The following CASZ1 variants were observed in gnomAD, a reference collection of about 807,000 sequenced individuals.
CASZ1 encodes zinc finger protein castor homolog 1.
In CASZ1, 28 loss-of-function variants were observed where a neutral mutation model predicts 135.2. The ratio of observed to expected loss-of-function variants is 0.21; its 90% CI spans 0.15 to 0.28. The LOEUF is 0.28. CASZ1 is among the 10% of genes least tolerant of loss of function. The pLI is 1.00. For missense variants in CASZ1, 2,161 were observed against 2,453.3 expected (o/e 0.88, Z 2.52); for synonymous variants, 1,068 against 1,073.4 (o/e 0.99, Z 0.10).
chr1:10,731,949 G>A lies in CASZ1; in HGVS notation c.-76-26405C>T, dbSNP rs557664470. On this transcript the variant is annotated intron_variant, in intron 2 of 20. Coordinates refer to ENST00000377022, the MANE Select transcript of CASZ1 (RefSeq NM_001079843.3). The stretch of plus-strand genomic sequence containing the variant: ...GTTAACACATCATGGACTTATTGCT[G>A]TTATTTTTTAAATGAATTAATAAAT... Among the ~76,000 whole-genome samples, 45 of 152,204 alleles carry A rather than the reference G, an allele frequency of 3.0e-4. 1 individual carries two copies. The South Asian group carries it at 8.5e-3, about 29-fold the overall frequency.
Position 10,739,209 on chromosome 1 carries a change from T to A in CASZ1, c.-77+21492A>T, listed in dbSNP as rs1639865232. On this transcript the variant is annotated intron_variant, in intron 2 of 20. Coordinates refer to ENST00000377022, the MANE Select transcript of CASZ1 (RefSeq NM_001079843.3). This position sits in a 1 kb window ranked among gnomAD's most constrained non-coding sequence, Gnocchi z 4.8. ...GCGGCCAGTCCCCGGGCGTACAGCGTGCGGTGCAACCTGCAGCTGCGGGAC... is the reference window on the plus strand; with the variant it reads ...GCGGCCAGTCCCCGGGCGTACAGCGAGCGGTGCAACCTGCAGCTGCGGGAC... Among the ~76,000 whole-genome samples, 1 of 152,100 alleles carries A rather than the reference T, an allele frequency of 6.6e-6. No homozygotes were observed. The highest frequency in any genetic ancestry group is 2.1e-4 in the South Asian group (1 of 4,832).
At chr1:10,664,265 G>T (rs1332600660) in intron 5 of CASZ1, among the ~76,000 whole-genome samples, 1 of 152,172 alleles carries the variant, frequency 6.6e-6, no homozygotes, top group Non-Finnish European at 1.5e-5. Flanking sequence ...GGCTGGGAAG[G>T]AGGCCGGGGG....
In CASZ1 at chr1:10,706,191, T is replaced by C. The variant is rs957603269; in HGVS notation, c.-76-647A>G. 1.0e-3 allele frequency among the ~76,000 whole-genome samples: 152 copies of C among 152,202 alleles called. 1 individual carries two copies. Among genetic ancestry groups the C allele is most frequent in the Non-Finnish European group, 2.2e-4 (15 of 68,028 alleles). ...AGAGACCGTGCAGGGAGAGGGACGATGGTCAGACAACGTGGAGGCTTTAAC... is the reference window on the plus strand; with the variant it reads ...AGAGACCGTGCAGGGAGAGGGACGACGGTCAGACAACGTGGAGGCTTTAAC... On this transcript the variant is annotated intron_variant, in intron 2 of 20. Transcript: ENST00000377022. The surrounding 1 kb of genome is among the most constrained non-coding windows in gnomAD (Gnocchi z 4.3).
chr1:10,655,578 T>G, intron 9 of CASZ1, 71 bp downstream of exon 9: 13 of 1,418,304 alleles, frequency 9.2e-6, no homozygotes, highest in Non-Finnish European at 1.1e-5. Context: ...CCTCTGGGAG[T>G]GGGGGGCTCA....
In CASZ1 at chr1:10,765,709, C is replaced by A. The variant is rs568284636; in HGVS notation, c.-233-4852G>T. 2.6e-5 allele frequency among the ~76,000 whole-genome samples: 4 copies of A among 152,190 alleles called. No homozygotes were observed. The East Asian group carries it at 7.7e-4, about 29-fold the overall frequency. ...GGGAGAGAGAGATGGGGCAAGAACG[C>A]AGCTCAAGTGCAGAGGGCTCTGAAT... On this transcript the variant is annotated intron_variant, in intron 1 of 20. Coordinates refer to ENST00000377022, the MANE Select transcript of CASZ1 (RefSeq NM_001079843.3).
chr1:10,784,659 G>C (rs886518857), intron 1 of CASZ1, among the ~76,000 whole-genome samples: 9 of 152,184 alleles, frequency 5.9e-5, no homozygotes, highest in Non-Finnish European at 1.3e-4. Context: ...CGCCATCTGG[G>C]TTCAAACAAT....
At chr1:10,668,534 G>A (rs1474958559) in intron 4 of CASZ1, among the ~76,000 whole-genome samples, 1 of 152,206 alleles carries the variant, frequency 6.6e-6, no homozygotes, top group Non-Finnish European at 1.5e-5. Flanking sequence ...GAGAGGCGAG[G>A]GGAGGGGCTG....
At chr1:10,656,757 G>C in intron 7 of CASZ1, 21 bp from the exon 8 acceptor site, 1 of 1,520,074 alleles carries the variant, frequency 6.6e-7, no homozygotes, top group Non-Finnish European at 9.0e-7. Flanking sequence ...GAGGGGTGGG[G>C]TCAGGGCCCT....
Position 10,647,762 on chromosome 1 carries a change from G to C in CASZ1, c.3497+39C>G. The C allele has an allele frequency of 6.2e-7, 1 of 1,611,216 alleles. No homozygotes were observed. Among genetic ancestry groups the C allele is most frequent in the Non-Finnish European group, 8.5e-7 (1 of 1,179,972 alleles). On this transcript the variant is annotated intron_variant, in intron 16 of 20. Coordinates refer to ENST00000377022, the MANE Select transcript of CASZ1 (RefSeq NM_001079843.3). The surrounding 1 kb of genome is among the most constrained non-coding windows in gnomAD (Gnocchi z 4.9). ...TTGCTAGCACCTACTCCCGAGACGCGAGGGGAACGCGGGACTCCCGGCTCA... is the reference window on the plus strand; with the variant it reads ...TTGCTAGCACCTACTCCCGAGACGCCAGGGGAACGCGGGACTCCCGGCTCA...
Position 10,709,003 on chromosome 1 carries a change from G to GGGAA in CASZ1, c.-76-3460_-76-3459insTTCC, listed in dbSNP as rs1403169479. Among the ~76,000 whole-genome samples the GGGAA allele has an allele frequency of 6.7e-6, 1 of 149,182 alleles. No individual in the cohort carries two copies. Among genetic ancestry groups the GGGAA allele is most frequent in the African/African-American group, 2.5e-5 (1 of 40,320 alleles). ...GGGCCATGGGTGAGGGAGGGAGGGA[G>GGGAA]TGCCACGAGAGATGGGACGGGGGAG... On this transcript the variant is annotated intron_variant, in intron 2 of 20. Transcript: ENST00000377022. This position sits in a 1 kb window ranked among gnomAD's most constrained non-coding sequence, Gnocchi z 5.1.
rs1639018356 is a variant in CASZ1 at position 10,699,764 on chromosome 1, T to C, written c.-24+5728A>G. Among the ~76,000 whole-genome samples, 1 of 152,172 alleles carries C rather than the reference T, an allele frequency of 6.6e-6. No individual in the cohort carries two copies. The highest frequency in any genetic ancestry group is 2.4e-5 in the African/African-American group (1 of 41,442). On this transcript the variant is annotated intron_variant, in intron 3 of 20. Transcript: ENST00000377022. The surrounding 1 kb of genome is among the most constrained non-coding windows in gnomAD (Gnocchi z 4.6). ...AATCCAACAGACTGATTCTCTTGTG[T>C]CTCCCTTCCCCTTTGTCTCACCCTT...
intron 2 of CASZ1, among the ~76,000 whole-genome samples, chr1:10,712,190 A>G (rs1639299706): frequency 6.6e-6 from 1 of 151,826 alleles, no homozygotes; most frequent in Non-Finnish European, 1.5e-5. Flanking sequence ...TACTAAAAAT[A>G]CAAAAAGTAG....
chr1:10,687,269 A>C (rs1638625379), intron 4 of CASZ1, among the ~76,000 whole-genome samples: 1 of 152,076 alleles, frequency 6.6e-6, no homozygotes, highest in Admixed American at 6.5e-5. Flanking sequence ...GAAACACAAC[A>C]TGTGTCCGTT....
chr1:10,693,497 C>CA (rs1172496673), intron 4 of CASZ1, among the ~76,000 whole-genome samples: 6,306 of 23,328 alleles, frequency 0.27, 1,611 homozygotes, highest in East Asian at 0.45. Context: ...TTGCAGAGAA[C>CA]AAAAAAAAAA....
chr1:10,782,325 T>C (rs1349373767), intron 1 of CASZ1, among the ~76,000 whole-genome samples: 1 of 152,224 alleles, frequency 6.6e-6, no homozygotes, highest in Non-Finnish European at 1.5e-5. Context: ...CACTGTGGAA[T>C]GGAGAATGAT....
intron 2 of CASZ1, among the ~76,000 whole-genome samples, chr1:10,752,341 C>T (rs1272344623): frequency 6.6e-6 from 1 of 152,228 alleles, no homozygotes; most frequent in East Asian, 1.9e-4. Context: ...CTTCAGGTGG[C>T]CTCCTCTGGA....
intron 4 of CASZ1, among the ~76,000 whole-genome samples, chr1:10,677,397 TACGTC>T (rs1426692724): frequency 3.3e-5 from 5 of 152,044 alleles, no homozygotes; most frequent in African/African-American, 9.7e-5. Flanking sequence ...TTCTCATGGG[TACGTC>T]TAAAGTGGGC....
intron 4 of CASZ1, among the ~76,000 whole-genome samples, chr1:10,669,736 C>G (rs1473227800): frequency 6.6e-6 from 1 of 151,930 alleles, no homozygotes; most frequent in Non-Finnish European, 1.5e-5. Context: ...GGCCCTGGGT[C>G]TCAGAGTTGC....
rs981299174 is a variant in CASZ1 at position 10,666,575 on chromosome 1, C to A, written c.17-1004G>T. Among the ~76,000 whole-genome samples, 2 of 152,204 alleles carry A rather than the reference C, an allele frequency of 1.3e-5. No homozygotes were observed. The highest frequency in any genetic ancestry group is 2.9e-5 in the Non-Finnish European group (2 of 68,038). On this transcript the variant is annotated intron_variant, in intron 4 of 20. Transcript: ENST00000377022. This position sits in a 1 kb window ranked among gnomAD's most constrained non-coding sequence, Gnocchi z 5.2. Reference sequence around the variant, plus strand: ...GTCCCTCACGGAACGCCCCGAAGCGCCGGTCACAGCACCTAATCCCCGAAT... The same window carrying A: ...GTCCCTCACGGAACGCCCCGAAGCGACGGTCACAGCACCTAATCCCCGAAT...
Sources: gnomAD v4.1 joint callset for allele counts (sites outside exome capture counted in the v4.1 genomes callset) on GRCh38, gnomAD v4.1.1 for gene constraint, Gnocchi (gnomAD v3.1) non-coding constraint, MANE v1.5 for transcripts, NCBI Gene and HGNC (gene_info 2026-07-23, HGNC 2026-07-21) for gene names.